Variants in SYT12 observed in about 807,000 individuals in gnomAD.
SYT12 encodes synaptotagmin 12.
SYT12 carries 27 observed loss-of-function variants against 39.5 expected under a neutral mutation model. That is an observed-to-expected ratio of 0.68 (90% CI 0.50 to 0.94). SYT12 has a LOEUF of 0.94. Among genes scored for constraint, SYT12 ranks in the 40% least tolerant of loss-of-function variants. The pLI, the probability that SYT12 is intolerant of heterozygous loss-of-function variation, is 0.00. For missense variants in SYT12, 536 were observed against 572.6 expected, an observed-to-expected ratio of 0.94 and a Z score of 0.65; for synonymous variants, 233 against 239.7, an observed-to-expected ratio of 0.97 and a Z score of 0.26.
chr11:67,044,948 G>A (rs1950587482), intron 6 of SYT12, among the ~76,000 whole-genome samples: 1 of 152,262 alleles, frequency 6.6e-6, no homozygotes, highest in South Asian at 2.1e-4. Flanking sequence ...TGTGAGGGCA[G>A]AGTGAAGGGG....
chr11:67,043,562 G>T (rs1023361095), intron 4 of SYT12, 76 bp from the exon 5 acceptor site: 6 of 1,394,876 alleles, frequency 4.3e-6, no homozygotes, highest in Non-Finnish European at 6.1e-6. Context: ...TGGGCCTCTG[G>T]ACTCCCTGTC....
Position 67,040,193 on chromosome 11 carries a change from G to A in SYT12, c.611G>A (p.Gly204Asp). The change falls in exon 4 of 8, where the codon GGC (glycine) becomes GAC (aspartate). Residue 204 changes from glycine (G) to aspartate (D), a missense_variant. Gly to Asp is a moderately conservative substitution (Grantham distance 94). Coordinates refer to ENST00000527043, the MANE Select transcript of SYT12 (RefSeq NM_177963.4). ...VSLLPDEQIV[G>D]ISRIQRNAYS... ...CTGCTGCCGGACGAGCAGATCGTGG[G>A]CATTTCTCGGGTAAGTGGGGCTCAG... 1 of 1,574,084 alleles carries A rather than the reference G, an allele frequency of 6.4e-7. No homozygotes were observed. Among genetic ancestry groups the A allele is most frequent in the Non-Finnish European group, 8.6e-7 (1 of 1,156,602 alleles).
intron 7 of SYT12, among the ~76,000 whole-genome samples, chr11:67,047,196 C>T (rs1311424881): frequency 6.6e-6 from 1 of 150,608 alleles, no homozygotes; most frequent in East Asian, 2.0e-4. Flanking sequence ...AACTCCCAAC[C>T]TTAGGTGATC....
At chr11:67,008,248 C>T (rs761997319) in intron 1 of SYT12, among the ~76,000 whole-genome samples, 13 of 152,142 alleles carry the variant, frequency 8.5e-5, no homozygotes, top group African/African-American at 3.1e-4. Context: ...GCCATCACAC[C>T]CGGCCAGGAA....
intron 3 of SYT12, among the ~76,000 whole-genome samples, chr11:67,012,295 C>G (rs1411862576): frequency 6.6e-6 from 1 of 151,950 alleles, no homozygotes; most frequent in Admixed American, 6.6e-5. Context: ...CGCTTGAACC[C>G]GGGAGGCGGA....
intron 1 of SYT12, chr11:67,027,085 G>T (rs924440580): frequency 6.6e-6 from 1 of 152,242 alleles, no homozygotes; most frequent in African/African-American, 2.4e-5. Flanking sequence ...AGAGCTGGGT[G>T]CAGCTGACTA....
upstream of SYT12, among the ~76,000 whole-genome samples, chr11:67,020,208 G>C (rs970234755): frequency 6.6e-6 from 1 of 152,164 alleles, no homozygotes; most frequent in Non-Finnish European, 1.5e-5. Flanking sequence ...GAAGCTGTTG[G>C]TGAGAGCAGG....
At chr11:67,012,623 G>T (rs1950021510) in intron 3 of SYT12, among the ~76,000 whole-genome samples, 1 of 152,130 alleles carries the variant, frequency 6.6e-6, no homozygotes, top group South Asian at 2.1e-4. Context: ...ATATCAGCAG[G>T]GAAACGAGGC....
chr11:67,014,584 TG>T (rs1950038599), intron 3 of SYT12, among the ~76,000 whole-genome samples: 2 of 152,170 alleles, frequency 1.3e-5, no homozygotes, highest in African/African-American at 2.4e-5. Flanking sequence ...ACCCAGCAAC[TG>T]GGAGCTTGGG....
At chr11:67,009,437 A>T (rs1486204648) in intron 1 of SYT12, among the ~76,000 whole-genome samples, 1 of 152,066 alleles carries the variant, frequency 6.6e-6, no homozygotes, top group East Asian at 1.9e-4. Flanking sequence ...GACTACAGGT[A>T]TGTGCCCCCA....
chr11:67,048,492 C>T, intron 7 of SYT12, 92 bp from the exon 8 acceptor site: 1 of 1,428,010 alleles, frequency 7.0e-7, no homozygotes, highest in South Asian at 1.3e-5. Flanking sequence ...TGGCACCCCA[C>T]TGGGGCCTGA....
intron 4 of SYT12, 60 bp downstream of exon 4, chr11:67,040,263 C>T: frequency 1.3e-6 from 2 of 1,521,370 alleles, no homozygotes; most frequent in African/African-American, 1.4e-5. Context: ...GCCTCCCAGG[C>T]AGGCATGGCG....
chr11:67,012,619 G>T (rs944654089), intron 3 of SYT12, among the ~76,000 whole-genome samples: 1 of 152,158 alleles, frequency 6.6e-6, no homozygotes, highest in African/African-American at 2.4e-5. Flanking sequence ...ATAAATATCA[G>T]CAGGGAAACG....
At chr11:67,033,179 C>A (rs1950302875) in intron 2 of SYT12, among the ~76,000 whole-genome samples, 1 of 139,492 alleles carries the variant, frequency 7.2e-6, no homozygotes, top group Non-Finnish European at 1.6e-5. Context: ...CCACTCTGGG[C>A]TTTTTATACC....
rs138638721 is a variant in SYT12 at position 67,046,001 on chromosome 11, C to G, written c.1092+124C>G. The G allele has an allele frequency of 3.2e-3, 4,187 of 1,327,852 alleles. 13 individuals are homozygous for G. The highest frequency in any genetic ancestry group is 4.4e-3 in the Admixed American group (190 of 43,044). 82.3% of individuals were successfully genotyped at this position (1,327,852 alleles called of 1,614,324 possible). A position where few individuals can be genotyped will look rare whatever the true frequency, so the allele number is the denominator to read the frequency against. On this transcript the variant is annotated intron_variant, in intron 7 of 7. Coordinates refer to ENST00000527043, the MANE Select transcript of SYT12 (RefSeq NM_177963.4). ...GTGGTTTGCCTCCAGCCATCACTTT[C>G]TAGCAGTTATTGAGTGCCACTGGGG...
chr11:67,011,320 G>A (rs1470155793), intron 3 of SYT12, among the ~76,000 whole-genome samples: 1 of 152,178 alleles, frequency 6.6e-6, no homozygotes, highest in African/African-American at 2.4e-5. Context: ...TTGGCTCACT[G>A]CAATCTCCAC....
intron 1 of SYT12, among the ~76,000 whole-genome samples, chr11:67,025,475 C>T (rs555732742): frequency 1.1e-4 from 17 of 152,212 alleles, no homozygotes; most frequent in African/African-American, 3.1e-4. Flanking sequence ...ACTCTGGTCC[C>T]CCATGTTATG....
rs1950580984 is a variant in SYT12, at chr11:67,044,701, A to G, written c.946A>G (p.Lys316Glu). The G allele has an allele frequency of 1.2e-6, 2 of 1,613,674 alleles. No homozygotes were observed. The highest frequency in any genetic ancestry group is 1.7e-6 in the Non-Finnish European group (2 of 1,179,970). ...CAAGAACCTCATCTGGACCAACGAC[A>G]AGACCACAGCGGGTAAGGCCCAGCC... ...KAKNLIWTND[K>E]TTADPFVKVY... The change falls in exon 6 of 8, where the codon AAG becomes GAG. Residue 316 changes from lysine to glutamate, a missense_variant. Transcript: ENST00000527043.
chr11:67,048,642 T>TG lies in SYT12; in HGVS notation c.1154dup (p.His386ProfsTer59). The TG allele has an allele frequency of 6.2e-7, 1 of 1,612,552 alleles. No individual in the cohort carries two copies. The highest frequency in any genetic ancestry group is 2.2e-5 in the East Asian group (1 of 44,852). ...AGCAGCGACGGCCGTGGGGACAACG[T>TG]GGGCCATGTCATCATTGGGCCGTCA... is the stretch of plus-strand genomic sequence containing the variant. On this transcript the variant is annotated frameshift_variant, in exon 8 of 8. Coordinates refer to ENST00000527043, the MANE Select transcript of SYT12 (RefSeq NM_177963.4). LOFTEE classifies it high-confidence loss of function.
Sources: allele counts gnomAD v4.1 joint callset (sites outside exome capture counted in the v4.1 genomes callset), GRCh38; gene constraint gnomAD v4.1.1; transcripts MANE v1.5; gene names NCBI Gene and HGNC (gene_info 2026-07-23, HGNC 2026-07-21).